Variants in GLIS3 observed in about 807,000 individuals in gnomAD.
GLIS3 encodes GLIS family zinc finger 3.
In GLIS3, 53 loss-of-function variants were observed where a neutral mutation model predicts 78.6. The ratio of observed to expected loss-of-function variants is 0.67; its 90% confidence interval spans 0.54 to 0.85. GLIS3 has a LOEUF of 0.85. GLIS3 is among the 40% of genes least tolerant of loss of function. The pLI, the probability that GLIS3 is intolerant of heterozygous loss-of-function variation, is 0.00. For missense variants in GLIS3, 1,703 were observed against 1,231.1 expected (o/e 1.38, Z -5.74); for synonymous variants, 684 against 509.9 (o/e 1.34, Z -4.60).
At chr9:4,431,997 T>C in the GLIS3 span, among the ~76,000 whole-genome samples, 33 of 152,280 alleles carry the variant, frequency 2.2e-4, no homozygotes, top group African/African-American at 7.7e-4. Context: ...CAGTAAAACT[T>C]TTTTTACAAA....
intron 2 of GLIS3, among the ~76,000 whole-genome samples, chr9:4,144,008 T>C (rs759161540): frequency 1.3e-5 from 2 of 152,192 alleles, no homozygotes; most frequent in African/African-American, 2.4e-5. Flanking sequence ...CACCTTAGTA[T>C]GGAAAGATTT....
At chr9:3,853,330 A>G (rs1048634289) in intron 9 of GLIS3, among the ~76,000 whole-genome samples, 2 of 152,232 alleles carry the variant, frequency 1.3e-5, no homozygotes, top group Non-Finnish European at 2.9e-5. Context: ...GAGGTAGGGG[A>G]AAATAATGGG....
chr9:4,202,806 A>G (rs886708266), intron 2 of GLIS3, among the ~76,000 whole-genome samples: 1 of 152,252 alleles, frequency 6.6e-6, no homozygotes, highest in Non-Finnish European at 1.5e-5. Context: ...TTCACCATAT[A>G]CAAAAATTAA....
chr9:4,198,590 G>A (rs1038393243), intron 2 of GLIS3, among the ~76,000 whole-genome samples: 2 of 152,114 alleles, frequency 1.3e-5, no homozygotes, highest in African/African-American at 4.8e-5. Context: ...CAAATTACTG[G>A]CATTCCTGAG....
At chr9:4,463,142 C>G in the GLIS3 span, among the ~76,000 whole-genome samples, 1 of 152,154 alleles carries the variant, frequency 6.6e-6, no homozygotes, top group African/African-American at 2.4e-5. Context: ...TCACAGAACG[C>G]AGTGAATATG....
At chr9:4,230,041 A>G (rs1034626446) in intron 2 of GLIS3, among the ~76,000 whole-genome samples, 1 of 152,232 alleles carries the variant, frequency 6.6e-6, no homozygotes, top group African/African-American at 2.4e-5. Context: ...GCAATAAAAT[A>G]GTTCCTTGGC....
chr9:4,293,854 G>C (rs952028677), intron 1 of GLIS3, among the ~76,000 whole-genome samples: 3 of 152,200 alleles, frequency 2.0e-5, no homozygotes, highest in Admixed American at 6.5e-5. Context: ...AGTCATTCTT[G>C]TTCCTGGCTT....
At chr9:3,887,511 G>A (rs1822161625) in intron 7 of GLIS3, among the ~76,000 whole-genome samples, 1 of 152,166 alleles carries the variant, frequency 6.6e-6, no homozygotes, top group Middle Eastern at 3.2e-3. Flanking sequence ...ATTGATGTCT[G>A]GACAGCTACA....
At chr9:4,416,247 G>GTTTT in the GLIS3 span, among the ~76,000 whole-genome samples, 166 of 54,322 alleles carry the variant, frequency 3.1e-3, 5 homozygotes, top group African/African-American at 0.015. Context: ...GTGAGACACT[G>GTTTT]TTTTTAAAAA....
intron 6 of GLIS3, among the ~76,000 whole-genome samples, chr9:3,918,820 A>G (rs1230356749): frequency 6.6e-6 from 1 of 152,226 alleles, no homozygotes; most frequent in Non-Finnish European, 1.5e-5. Flanking sequence ...CTCAATCAGA[A>G]TGCCAGAACC....
At chr9:4,209,601 T>C (rs928150507) in intron 2 of GLIS3, among the ~76,000 whole-genome samples, 1 of 152,200 alleles carries the variant, frequency 6.6e-6, no homozygotes, top group Non-Finnish European at 1.5e-5. Flanking sequence ...ATTTCATTTT[T>C]CTCTCCAATG....
At chr9:4,007,621 A>G (rs1821658546) in intron 4 of GLIS3, among the ~76,000 whole-genome samples, 1 of 152,212 alleles carries the variant, frequency 6.6e-6, no homozygotes, top group Non-Finnish European at 1.5e-5. Flanking sequence ...ATCTGATGGT[A>G]GAATTTCAGA....
At chr9:4,244,819 AC>A (rs1379660787) in intron 2 of GLIS3, among the ~76,000 whole-genome samples, 3 of 151,994 alleles carry the variant, frequency 2.0e-5, no homozygotes, top group Non-Finnish European at 4.4e-5. Flanking sequence ...TAGGTGATCC[AC>A]CCGCCTCAGC....
chr9:3,874,644 TAG>T lies in GLIS3; in HGVS notation c.2297+4781_2297+4782del, dbSNP rs1260081546. ...TGTGGAATCTGACACTCTCTCCAAGTAGAGAGTGTCAGGATAGGTTGCAATTA... is the reference window on the plus strand; with the variant it reads ...TGTGGAATCTGACACTCTCTCCAAGTAGAGTGTCAGGATAGGTTGCAATTA... On this transcript the variant is annotated intron_variant, in intron 8 of 10. Coordinates refer to ENST00000381971, the MANE Select transcript of GLIS3 (RefSeq NM_001042413.2). 2.0e-5 allele frequency among the ~76,000 whole-genome samples: 3 copies of T among 152,142 alleles called. No homozygotes were observed. In the East Asian group the frequency reaches 5.8e-4, roughly 29 times the overall value.
the GLIS3 span, among the ~76,000 whole-genome samples, chr9:4,418,817 T>C: frequency 9.2e-4 from 140 of 152,290 alleles, 1 homozygote; most frequent in East Asian, 0.027. Context: ...GAGTAAGATT[T>C]CAAGTGGTAC....
chr9:4,397,497 T>C, the GLIS3 span, among the ~76,000 whole-genome samples: 2 of 151,686 alleles, frequency 1.3e-5, no homozygotes, highest in South Asian at 2.1e-4. Flanking sequence ...TGCTTCCCCC[T>C]GACTCCCCAC....
intron 2 of GLIS3, among the ~76,000 whole-genome samples, chr9:4,186,797 C>A (rs1209443233): frequency 1.3e-5 from 2 of 152,104 alleles, no homozygotes; most frequent in Non-Finnish European, 2.9e-5. Context: ...TAAATGTCTT[C>A]TTTTGAGAAG....
the GLIS3 span, among the ~76,000 whole-genome samples, chr9:4,374,225 G>C: frequency 6.6e-6 from 1 of 152,276 alleles, no homozygotes; most frequent in East Asian, 1.9e-4. Flanking sequence ...TCCTCCAAGA[G>C]AAGTTACAAA....
At chr9:4,273,708 T>G (rs942862378) in intron 2 of GLIS3, among the ~76,000 whole-genome samples, 2 of 152,210 alleles carry the variant, frequency 1.3e-5, no homozygotes, top group African/African-American at 4.8e-5. Flanking sequence ...ATCTTACGTG[T>G]GCCAGAGATT....
Sources: allele counts gnomAD v4.1 joint callset (sites outside exome capture counted in the v4.1 genomes callset), GRCh38; gene constraint gnomAD v4.1.1; transcripts MANE v1.5; gene names NCBI Gene and HGNC (gene_info 2026-07-23, HGNC 2026-07-21).